KIF21A: variants seen among roughly 807,000 people sequenced by gnomAD.
The protein encoded by KIF21A is kinesin family member 21A, also known as kinesin-like protein KIF21A.
Under a neutral mutation model 202.9 loss-of-function variants are expected in KIF21A, and 114 were observed. That is an observed-to-expected ratio of 0.56 (90% CI 0.48 to 0.66). KIF21A has a LOEUF of 0.66. Among genes scored for constraint, KIF21A ranks in the 30% least tolerant of loss-of-function variants. KIF21A has a pLI of 0.00. For synonymous variants in KIF21A, 667 were observed against 670.8 expected (o/e 0.99, Z 0.09); for missense variants, 1,677 against 1,994.9 (o/e 0.84, Z 3.04).
intron 1 of KIF21A, among the ~76,000 whole-genome samples, chr12:39,416,781 A>G (rs960755077): frequency 9.1e-5 from 12 of 132,420 alleles, no homozygotes; most frequent in Non-Finnish European, 1.7e-4. Context: ...ATATGTACAT[A>G]TATATGTGTA....
chr12:39,294,992 G>A (rs1221662934), intron 37 of KIF21A, among the ~76,000 whole-genome samples: 1 of 152,154 alleles, frequency 6.6e-6, no homozygotes, highest in Non-Finnish European at 1.5e-5. Flanking sequence ...AGGTCACAGT[G>A]AGGCTTCTAG....
intron 1 of KIF21A, among the ~76,000 whole-genome samples, chr12:39,409,841 T>G (rs1952935605): frequency 6.6e-6 from 1 of 151,936 alleles, no homozygotes; most frequent in Non-Finnish European, 1.5e-5. Context: ...CTGGCTTTTT[T>G]TTTTTTTTTA....
chr12:39,408,987 TC>T, intron 1 of KIF21A, among the ~76,000 whole-genome samples: 1 of 152,052 alleles, frequency 6.6e-6, no homozygotes, highest in African/African-American at 2.4e-5. Flanking sequence ...GCCCAGCTAA[TC>T]TTTTTTATTT....
At chr12:39,376,242 T>A (rs1013547128) in intron 1 of KIF21A, among the ~76,000 whole-genome samples, 4 of 152,116 alleles carry the variant, frequency 2.6e-5, no homozygotes, top group Admixed American at 2.0e-4. Context: ...TATGCAAAGA[T>A]AATAAAGCTG....
Position 39,340,448 on chromosome 12 carries a change from GA to G in KIF21A, c.2111-85del, listed in dbSNP as rs1203495775. On this transcript the variant is annotated intron_variant, in intron 15 of 37. Transcript: ENST00000361418. ...CAGATTTACAGTCCATATCCTAAGA[GA>G]AGAGCTACTTCCCAAACACCCACAT... 1.3e-5 allele frequency: 13 copies of G among 1,030,702 alleles called. No homozygotes were observed. The East Asian group carries it at 3.4e-4, about 27-fold the overall frequency. The allele number at this position is 1,030,702 out of a possible 1,614,324, so 63.8% of individuals were successfully genotyped here.
chr12:39,367,794 C>T lies in KIF21A; in HGVS notation c.600+89G>A, dbSNP rs1338931781. 4 of 1,002,146 alleles carry T rather than the reference C, an allele frequency of 4.0e-6. No homozygotes were observed. In the African/African-American group the frequency reaches 6.4e-5, roughly 16 times the overall value. The allele number at this position is 1,002,146 out of a possible 1,614,324, so 62.1% of individuals were successfully genotyped here. A position where few individuals can be genotyped will look rare whatever the true frequency, so the allele number is the denominator to read the frequency against. On this transcript the variant is annotated intron_variant, in intron 4 of 37. Coordinates refer to ENST00000361418, the MANE Select transcript of KIF21A (RefSeq NM_001173464.2). Reference sequence around the variant, plus strand: ...ATGTCATGCTTCAGGATATAAATTTCATATCTTGATCTTAAGCAGATTATC... The same window carrying T: ...ATGTCATGCTTCAGGATATAAATTTTATATCTTGATCTTAAGCAGATTATC...
chr12:39,368,530 G>C (rs1361457017), intron 3 of KIF21A, among the ~76,000 whole-genome samples: 2 of 152,044 alleles, frequency 1.3e-5, no homozygotes, highest in East Asian at 3.9e-4. Flanking sequence ...AAAAAACCCA[G>C]ATACCTCCTT....
In KIF21A at chr12:39,358,294, G is replaced by T. The variant is rs752828477; in HGVS notation, c.1099C>A (p.Arg367=). 9.3e-6 allele frequency: 15 copies of T among 1,613,974 alleles called. No homozygotes were observed. Among genetic ancestry groups the T allele is most frequent in the Non-Finnish European group, 1.3e-5 (15 of 1,179,904 alleles). ...ACCTTATTCTTGATATTTCTAGCTC[G>T]ATTGGCGTATTTCAGGGTGTTTAAC... The part of the protein sequence containing the change: ...ETLNTLKYAN[R]ARNIKNKVMV... Residue 367 remains arginine (R), a synonymous_variant, in exon 8 of 38, where the codon CGA becomes AGA. Coordinates refer to ENST00000361418, the MANE Select transcript of KIF21A (RefSeq NM_001173464.2).
At chr12:39,359,697 C>T (rs997774527) in intron 7 of KIF21A, among the ~76,000 whole-genome samples, 1 of 152,156 alleles carries the variant, frequency 6.6e-6, no homozygotes, top group South Asian at 2.1e-4. Context: ...TAGCACCAGT[C>T]TGCAGATTAT....
In KIF21A at chr12:39,366,419, A is replaced by G; in HGVS notation, c.834T>C (p.Ser278=). 1 of 1,613,932 alleles carries G rather than the reference A, an allele frequency of 6.2e-7. No individual in the cohort carries two copies. ...AKFHFVDLAG[S]ERLKRTGATG... is the part of the protein sequence containing the mutation. ...TAGCTCCAGTACGCTTCAGTCTTTC[A>G]GATCCTGCGAGATCAACAAAATGGA... The change falls in exon 6 of 38, where the codon TCT becomes TCC. Residue 278 remains serine (S), a synonymous_variant. Coordinates refer to ENST00000361418, the MANE Select transcript of KIF21A (RefSeq NM_001173464.2).
chr12:39,404,295 G>A (rs1489493252), intron 1 of KIF21A, among the ~76,000 whole-genome samples: 1 of 152,142 alleles, frequency 6.6e-6, no homozygotes, highest in Admixed American at 6.5e-5. Context: ...TAAAATGTAG[G>A]AGCCACTGAC....
At chr12:39,437,075 A>G (rs147780456) in intron 1 of KIF21A, among the ~76,000 whole-genome samples, 46 of 152,286 alleles carry the variant, frequency 3.0e-4, no homozygotes, top group African/African-American at 1.1e-3. Context: ...TGTCTTGGGG[A>G]AAAACACTTA....
intron 1 of KIF21A, among the ~76,000 whole-genome samples, chr12:39,370,515 T>TA (rs1263261978): frequency 6.6e-6 from 1 of 152,156 alleles, no homozygotes; most frequent in African/African-American, 2.4e-5. Flanking sequence ...ATCTTAAAAT[T>TA]AGATACTTAC....
chr12:39,440,736 C>T (rs909046993), intron 1 of KIF21A, among the ~76,000 whole-genome samples: 1 of 152,008 alleles, frequency 6.6e-6, no homozygotes, highest in East Asian at 1.9e-4. Context: ...GAAAGAAATC[C>T]CCGATTTATC....
Position 39,320,004 on chromosome 12 carries a change from C to T in KIF21A, c.3681G>A (p.Gln1227=). ...LPSKIGSISR[Q]SSLSEKKIPE... is the part of the protein sequence containing the mutation. ...GAATTTTTTTTTCTGATAGAGATGA[C>T]TGCCTGGAACTAAAGTAAAAGAAGA... Residue 1227 remains glutamine (Q), a synonymous_variant, in exon 28 of 38, where the codon CAG becomes CAA. Transcript: ENST00000361418. 2 of 1,576,352 alleles carry T rather than the reference C, an allele frequency of 1.3e-6. No homozygotes were observed. The highest frequency in any genetic ancestry group is 1.7e-6 in the Non-Finnish European group (2 of 1,148,258).
At chr12:39,353,416 T>A (rs1373938377) in intron 10 of KIF21A, among the ~76,000 whole-genome samples, 1 of 152,188 alleles carries the variant, frequency 6.6e-6, no homozygotes, top group East Asian at 1.9e-4. Context: ...TAAATAGCTG[T>A]GTGCAAACTT....
Position 39,326,246 on chromosome 12 carries a change from T to G in KIF21A, c.3401+18A>C. On this transcript the variant is annotated intron_variant, in intron 25 of 37. Transcript: ENST00000361418. ...TATGTAAATAAGTCAACTCTATTGT[T>G]TCTAAAGGCCTTCTTACCTTCCTTC... 1 of 1,563,616 alleles carries G rather than the reference T, an allele frequency of 6.4e-7. No homozygotes were observed. The highest frequency in any genetic ancestry group is 8.8e-7 in the Non-Finnish European group (1 of 1,134,400).
intron 11 of KIF21A, among the ~76,000 whole-genome samples, chr12:39,349,634 C>T (rs1948201823): frequency 6.6e-6 from 1 of 151,992 alleles, no homozygotes; most frequent in Admixed American, 6.6e-5. Flanking sequence ...GGCTTACCTA[C>T]ATTTTAAAAA....
intron 37 of KIF21A, among the ~76,000 whole-genome samples, chr12:39,299,161 A>G (rs1942714496): frequency 6.6e-6 from 1 of 152,200 alleles, no homozygotes; most frequent in Non-Finnish European, 1.5e-5. Flanking sequence ...AACTATCAAT[A>G]GAGTAAACAG....
Sources: allele counts gnomAD v4.1 joint callset (sites outside exome capture counted in the v4.1 genomes callset), GRCh38; gene constraint gnomAD v4.1.1; transcripts MANE v1.5; gene names NCBI Gene and HGNC (gene_info 2026-07-23, HGNC 2026-07-21).